CHST15: variants seen among roughly 807,000 people sequenced by gnomAD.
CHST15 encodes the protein B cell RAG associated protein (GALNAC4S-6ST).
In CHST15, 30 loss-of-function variants were observed where a neutral mutation model predicts 53.6. That is an observed-to-expected ratio of 0.56 (90% CI 0.42 to 0.76). The LOEUF (loss-of-function observed/expected upper bound fraction) is 0.76. CHST15 is among the 30% of genes least tolerant of loss of function. The pLI is 0.00. For synonymous variants in CHST15, 296 were observed against 289.8 expected, an observed-to-expected ratio of 1.02 and a Z score of -0.22; for missense variants, 627 against 740.5, an observed-to-expected ratio of 0.85 and a Z score of 1.78.
chr10:124,035,072 CT>C (rs1441871978), intron 5 of CHST15, among the ~76,000 whole-genome samples: 3 of 143,286 alleles, frequency 2.1e-5, no homozygotes, highest in African/African-American at 7.8e-5. Context: ...GCTCCACCCC[CT>C]AACAGGGACG....
intron 1 of CHST15, among the ~76,000 whole-genome samples, chr10:124,064,008 C>T (rs370204123): frequency 5.9e-5 from 9 of 152,314 alleles, no homozygotes; most frequent in African/African-American, 2.2e-4. Context: ...TTGGCTGAGG[C>T]ACAGTCATCT....
At position 124,074,865 on chromosome 10, in the gene CHST15, T is replaced by C. The variant is rs2134177978; in HGVS notation, c.-513+18604A>G. 6.6e-6 allele frequency among the ~76,000 whole-genome samples: 1 copy of C among 152,342 alleles called. No individual in the cohort carries two copies. The highest frequency in any genetic ancestry group is 2.4e-5 in the African/African-American group (1 of 41,586). On this transcript the variant is annotated intron_variant, in intron 1 of 7. Transcript: ENST00000435907. This position sits in a 1 kb window ranked among gnomAD's most constrained non-coding sequence, Gnocchi z 4.4. Reference sequence around the variant, plus strand: ...AGCCAGGGCTGACTTTCCTTTTGAATGCGGCTGTGCTAGGCAGTGGGGTGC... The same window carrying C: ...AGCCAGGGCTGACTTTCCTTTTGAACGCGGCTGTGCTAGGCAGTGGGGTGC...
rs1949602391 is a variant in CHST15, at chr10:124,091,644, C to T, written c.-513+1825G>A. Reference sequence around the variant, plus strand: ...CTTGTCACATCCCTCTGCGGGGCATCCCGGAGCCACACTTCATTCCCGAGA... The same window carrying T: ...CTTGTCACATCCCTCTGCGGGGCATTCCGGAGCCACACTTCATTCCCGAGA... On this transcript the variant is annotated intron_variant, in intron 1 of 7. Transcript: ENST00000435907. 2.0e-5 allele frequency among the ~76,000 whole-genome samples: 3 copies of T among 152,272 alleles called. No homozygotes were observed. In the South Asian group the frequency reaches 6.2e-4, roughly 31 times the overall value.
At chr10:124,067,320 A>G (rs1269257667) in intron 1 of CHST15, among the ~76,000 whole-genome samples, 1 of 152,226 alleles carries the variant, frequency 6.6e-6, no homozygotes, top group Non-Finnish European at 1.5e-5. Context: ...TTGCTCAGTA[A>G]TCAGTGCAGG....
In CHST15 at chr10:124,008,488, G is replaced by C. The variant is rs113112306; in HGVS notation, c.*1661C>G. The stretch of plus-strand genomic sequence containing the variant: ...GCCGGCTATAGAGAAGGTGGGGACT[G>C]TCCCTGCAAGTGGGAGTTCAGGACA... On this transcript the variant is annotated 3_prime_UTR_variant, in exon 8 of 8. Coordinates refer to ENST00000435907, the MANE Select transcript of CHST15 (RefSeq NM_001270764.2). 2,800 of 994,026 alleles carry C rather than the reference G, an allele frequency of 2.8e-3. 57 individuals carry two copies. The African/African-American group carries it at 0.045, about 16-fold the overall frequency. 61.6% of individuals were successfully genotyped at this position (994,026 alleles called of 1,614,324 possible). A position where few individuals can be genotyped will look rare whatever the true frequency, so the allele number is the denominator to read the frequency against.
At chr10:124,083,948 C>G (rs1949332969) in intron 1 of CHST15, among the ~76,000 whole-genome samples, 1 of 152,202 alleles carries the variant, frequency 6.6e-6, no homozygotes, top group East Asian at 1.9e-4. Context: ...TTCAACACGC[C>G]CAGAGCTCAG....
In CHST15 at chr10:124,009,609, G is replaced by T. The variant is rs537825820; in HGVS notation, c.*540C>A. The T allele has an allele frequency of 5.1e-6, 5 of 989,898 alleles. No individual in the cohort carries two copies. The highest frequency in any genetic ancestry group is 3.6e-6 in the Non-Finnish European group (3 of 832,482). The allele number at this position is 989,898 out of a possible 1,614,324, so 61.3% of individuals were successfully genotyped here. A position where few individuals can be genotyped will look rare whatever the true frequency, so the allele number is the denominator to read the frequency against. ...CTCTGTCCCAGTGAGGTTAGCGATCGCAACAAGAGTGTTTCAGAAGTGAAT... is the reference window on the plus strand; with the variant it reads ...CTCTGTCCCAGTGAGGTTAGCGATCTCAACAAGAGTGTTTCAGAAGTGAAT... On this transcript the variant is annotated 3_prime_UTR_variant, in exon 8 of 8. Transcript: ENST00000435907.
chr10:124,021,999 C>G (rs753815389), intron 5 of CHST15, among the ~76,000 whole-genome samples: 1 of 152,126 alleles, frequency 6.6e-6, no homozygotes, highest in Non-Finnish European at 1.5e-5. Context: ...TACCTGCAGA[C>G]TTACACGTTT....
intron 1 of CHST15, among the ~76,000 whole-genome samples, chr10:124,056,806 C>T (rs1198319414): frequency 6.6e-6 from 1 of 152,118 alleles, no homozygotes; most frequent in African/African-American, 2.4e-5. Context: ...CCCGTACAAC[C>T]GGACACTCCA....
intron 1 of CHST15, among the ~76,000 whole-genome samples, chr10:124,084,996 C>T (rs978102170): frequency 1.4e-4 from 21 of 152,232 alleles, no homozygotes; most frequent in Non-Finnish European, 2.9e-4. Flanking sequence ...CGGGGCAACC[C>T]TGCTTTCTTG....
At chr10:124,085,495 A>C (rs561033226) in intron 1 of CHST15, among the ~76,000 whole-genome samples, 56 of 152,352 alleles carry the variant, frequency 3.7e-4, no homozygotes, top group African/African-American at 1.3e-3. Context: ...CCACACTATC[A>C]AACTCAGTGT....
At chr10:124,059,928 G>A (rs1470081815) in intron 1 of CHST15, among the ~76,000 whole-genome samples, 1 of 152,172 alleles carries the variant, frequency 6.6e-6, no homozygotes, top group Non-Finnish European at 1.5e-5. Flanking sequence ...CCTCTGGAGG[G>A]TTTTAGAGCC....
intron 4 of CHST15, among the ~76,000 whole-genome samples, chr10:124,039,918 T>C (rs892336501): frequency 1.2e-4 from 19 of 152,214 alleles, no homozygotes; most frequent in African/African-American, 3.9e-4. Flanking sequence ...CTGAGTCTCT[T>C]TGGTCAGTGA....
intron 3 of CHST15, among the ~76,000 whole-genome samples, chr10:124,044,042 C>T (rs1947848763): frequency 6.7e-6 from 1 of 149,440 alleles, no homozygotes; most frequent in Non-Finnish European, 1.5e-5. Context: ...CAGCACAGAG[C>T]CAAGGAACAG....
rs1036542094 is a variant in CHST15, at chr10:124,024,241, C to T, written c.1191-2829G>A. 3.9e-5 allele frequency among the ~76,000 whole-genome samples: 6 copies of T among 152,202 alleles called. No homozygotes were observed. Among genetic ancestry groups the T allele is most frequent in the African/African-American group, 1.4e-4 (6 of 41,454 alleles). ...GCAGGGTCTGTTGCAAATGCGCCTT[C>T]TCCACTGCCCTCCCCTCTAATTGAG... On this transcript the variant is annotated intron_variant, in intron 5 of 7. Coordinates refer to ENST00000435907, the MANE Select transcript of CHST15 (RefSeq NM_001270764.2). The surrounding 1 kb of genome is among the most constrained non-coding windows in gnomAD (Gnocchi z 4.0).
At chr10:124,083,489 T>C (rs1238648724) in intron 1 of CHST15, among the ~76,000 whole-genome samples, 1 of 152,240 alleles carries the variant, frequency 6.6e-6, no homozygotes, top group Non-Finnish European at 1.5e-5. Context: ...GGTGAGCAAA[T>C]GATTTTTTCT....
chr10:124,079,303 G>C (rs1949168893), intron 1 of CHST15, among the ~76,000 whole-genome samples: 1 of 152,194 alleles, frequency 6.6e-6, no homozygotes, highest in African/African-American at 2.4e-5. Flanking sequence ...AAGGATGTCT[G>C]GGGAGACCAG....
intron 1 of CHST15, among the ~76,000 whole-genome samples, chr10:124,061,311 T>C (rs1367012911): frequency 6.6e-6 from 1 of 152,168 alleles, no homozygotes; most frequent in African/African-American, 2.4e-5. Context: ...GTTTTTCCCG[T>C]GCTATTCTCG....
chr10:124,060,520 A>G (rs1590305992), intron 1 of CHST15, among the ~76,000 whole-genome samples: 2 of 131,218 alleles, frequency 1.5e-5, no homozygotes, highest in Non-Finnish European at 3.2e-5. Context: ...GCCCCCAGGG[A>G]TGTGTGGAGT....
Sources: allele counts gnomAD v4.1 joint callset (sites outside exome capture counted in the v4.1 genomes callset), GRCh38; gene constraint gnomAD v4.1.1; non-coding constraint Gnocchi (gnomAD v3.1); transcripts MANE v1.5; gene names NCBI Gene and HGNC (gene_info 2026-07-23, HGNC 2026-07-21).